Variants in PLEKHM3 observed in about 807,000 individuals in gnomAD.
PLEKHM3 encodes pleckstrin homology domain-containing family M member 3.
Under a neutral mutation model 81.8 loss-of-function variants are expected in PLEKHM3, and 45 were observed. The observed-to-expected ratio is 0.55, with a 90% CI of 0.43 to 0.71. The LOEUF is 0.71. PLEKHM3 is among the 30% of genes least tolerant of loss of function. The probability of loss-of-function intolerance (pLI) is 0.00; values close to 1 mark genes in which losing one functional copy is unlikely to be tolerated. For synonymous variants in PLEKHM3, 352 were observed against 356.4 expected, an observed-to-expected ratio of 0.99 and a Z score of 0.14; for missense variants, 788 against 924.3, an observed-to-expected ratio of 0.85 and a Z score of 1.91.
At chr2:207,982,226 TCC>T (rs1175838585) in intron 2 of PLEKHM3, among the ~76,000 whole-genome samples, 2 of 64,860 alleles carry the variant, frequency 3.1e-5, no homozygotes, top group African/African-American at 1.1e-4. Flanking sequence ...CCTCCCTCCC[TCC>T]CTCACTCCCC....
intron 5 of PLEKHM3, among the ~76,000 whole-genome samples, chr2:207,911,054 C>T (rs999750587): frequency 6.6e-6 from 1 of 152,056 alleles, no homozygotes; most frequent in Non-Finnish European, 1.5e-5. Context: ...ATATCCAGTG[C>T]CTGTGTGGGG....
chr2:207,842,915 C>T (rs1397290400), intron 7 of PLEKHM3, among the ~76,000 whole-genome samples: 3 of 152,118 alleles, frequency 2.0e-5, no homozygotes, highest in Non-Finnish European at 4.4e-5. Flanking sequence ...GCTTCTTAGG[C>T]GGAAGCATCG....
At chr2:208,018,580 A>G (rs1000893597) in intron 1 of PLEKHM3, among the ~76,000 whole-genome samples, 1 of 151,980 alleles carries the variant, frequency 6.6e-6, no homozygotes, top group Non-Finnish European at 1.5e-5. Flanking sequence ...ATCACTCCAA[A>G]TTAGCCAGTC....
chr2:207,869,224 T>G (rs1175691081), intron 6 of PLEKHM3, among the ~76,000 whole-genome samples: 1 of 152,214 alleles, frequency 6.6e-6, no homozygotes, highest in Admixed American at 6.5e-5. Flanking sequence ...GGTCATTTGG[T>G]AATATGACTA....
chr2:208,003,022 T>C (rs902457947), intron 1 of PLEKHM3, among the ~76,000 whole-genome samples: 4 of 152,170 alleles, frequency 2.6e-5, no homozygotes, highest in Non-Finnish European at 4.4e-5. Context: ...CATGGTTTGG[T>C]TGTGTCCCAA....
At chr2:207,889,887 T>A (rs1688003344) in intron 6 of PLEKHM3, among the ~76,000 whole-genome samples, 1 of 152,096 alleles carries the variant, frequency 6.6e-6, no homozygotes, top group African/African-American at 2.4e-5. Flanking sequence ...CACCGCAACC[T>A]CTGTCTCCCG....
chr2:207,871,776 G>T (rs2092536070), intron 6 of PLEKHM3, among the ~76,000 whole-genome samples: 1 of 152,062 alleles, frequency 6.6e-6, no homozygotes, highest in Admixed American at 6.5e-5. Flanking sequence ...CTCAAAACAG[G>T]TTATATGATC....
At chr2:207,985,297 A>G (rs1468383532) in intron 2 of PLEKHM3, among the ~76,000 whole-genome samples, 1 of 151,588 alleles carries the variant, frequency 6.6e-6, no homozygotes. Flanking sequence ...TCCATTCCTG[A>G]AGGCTTTCTT....
chr2:207,992,147 G>A (rs1421458107), intron 2 of PLEKHM3, among the ~76,000 whole-genome samples: 1 of 152,156 alleles, frequency 6.6e-6, no homozygotes, highest in Non-Finnish European at 1.5e-5. Flanking sequence ...TTGTGGTGGA[G>A]GGAATGAGTC....
rs940647498 is a variant in PLEKHM3 at position 207,931,227 on chromosome 2, A to G, written c.1693-108T>C. 4.8e-6 allele frequency: 5 copies of G among 1,048,222 alleles called. No homozygotes were observed. The Admixed American group carries it at 1.3e-4, about 28-fold the overall frequency. 64.9% of individuals were successfully genotyped at this position (1,048,222 alleles called of 1,614,324 possible). On this transcript the variant is annotated intron_variant, in intron 4 of 7. Transcript: ENST00000427836. ...ATCAAAGGAACACGATTATTTTCTC[A>G]ATACAGACAAATGAAAAAGTCTGTA...
rs1690184015 is a variant in PLEKHM3 at position 207,947,774 on chromosome 2, AACCCTT to A, written c.1547-1268_1547-1263del. Among the ~76,000 whole-genome samples the A allele has an allele frequency of 2.6e-5, 4 of 152,232 alleles. No individual in the cohort carries two copies. In the South Asian group the frequency reaches 8.3e-4, roughly 31 times the overall value. ...CTAATAATATAATGATCAGTGTTGTAACCCTTTCCATTACAAGGAGGTCAAATACAT... is the reference window on the plus strand; with the variant it reads ...CTAATAATATAATGATCAGTGTTGTATCCATTACAAGGAGGTCAAATACAT... On this transcript the variant is annotated intron_variant, in intron 3 of 7. Transcript: ENST00000427836.
chr2:207,861,071 T>C, intron 7 of PLEKHM3, 34 bp downstream of exon 7: 1 of 1,606,300 alleles, frequency 6.2e-7, no homozygotes, highest in Non-Finnish European at 8.5e-7. Flanking sequence ...ATTACACATT[T>C]GGGTGTTCTT....
chr2:207,858,868 A>G (rs2092450978), intron 7 of PLEKHM3, among the ~76,000 whole-genome samples: 1 of 152,168 alleles, frequency 6.6e-6, no homozygotes, highest in African/African-American at 2.4e-5. Flanking sequence ...TAGTGTAGTC[A>G]TAAGACCATG....
intron 4 of PLEKHM3, 152 bp from the exon 5 acceptor site, chr2:207,931,271 T>C (rs1346216734): frequency 1.4e-5 from 11 of 772,670 alleles, no homozygotes; most frequent in African/African-American, 3.6e-5. Flanking sequence ...AAATGTAAAT[T>C]TTGACTTCTC....
intron 2 of PLEKHM3, among the ~76,000 whole-genome samples, chr2:207,990,989 C>T (rs1172417147): frequency 6.6e-6 from 1 of 152,158 alleles, no homozygotes; most frequent in East Asian, 1.9e-4. Context: ...CAGTTCTTTG[C>T]TATGGGCAAC....
At chr2:207,855,379 T>C (rs559211721) in intron 7 of PLEKHM3, among the ~76,000 whole-genome samples, 2 of 152,150 alleles carry the variant, frequency 1.3e-5, no homozygotes, top group Non-Finnish European at 2.9e-5. Flanking sequence ...AAATGAACTA[T>C]GCACAAGTCC....
At chr2:207,920,316 C>A (rs971015851) in intron 5 of PLEKHM3, among the ~76,000 whole-genome samples, 15 of 152,180 alleles carry the variant, frequency 9.9e-5, no homozygotes, top group Non-Finnish European at 1.8e-4. Flanking sequence ...TTGCCTACTG[C>A]CCTTGACTAG....
chr2:207,880,762 C>CAAA lies in PLEKHM3; in HGVS notation c.1951-19503_1951-19501dup, dbSNP rs61384566. Among the ~76,000 whole-genome samples the CAAA allele has an allele frequency of 6.6e-3, 46 of 6,958 alleles. 3 individuals carry two copies. The highest frequency in any genetic ancestry group is 0.012 in the African/African-American group (43 of 3,706). The allele number at this position is 6,958 out of a possible 152,430, so 4.6% of individuals were successfully genotyped here. On this transcript the variant is annotated intron_variant, in intron 6 of 7. Coordinates refer to ENST00000427836, the MANE Select transcript of PLEKHM3 (RefSeq NM_001080475.3). ...TGGGAGACACAGCGAGACTCTGTCT[C>CAAA]AAAAAAAAAAAAAAAAAAAAAAAAA...
At chr2:207,934,647 G>C (rs992210156) in intron 4 of PLEKHM3, among the ~76,000 whole-genome samples, 3 of 152,138 alleles carry the variant, frequency 2.0e-5, no homozygotes, top group African/African-American at 7.2e-5. Flanking sequence ...GAGGAAAGAG[G>C]CCTCCTCCCC....
Sources: allele counts gnomAD v4.1 joint callset (sites outside exome capture counted in the v4.1 genomes callset), GRCh38; gene constraint gnomAD v4.1.1; transcripts MANE v1.5; gene names NCBI Gene and HGNC (gene_info 2026-07-23, HGNC 2026-07-21).